RFPL4B: variants seen among roughly 807,000 people sequenced by gnomAD.
RFPL4B encodes ret finger protein-like 4B.
For synonymous variants in RFPL4B, 118 were observed against 126.3 expected (o/e 0.93, Z 0.44); for missense variants, 314 against 327.7 (o/e 0.96, Z 0.32).
Position 112,350,125 on chromosome 6 carries a change from C to T in RFPL4B, c.417C>T (p.Pro139=). The change falls in exon 3 of 3, where the codon CCC becomes CCT. Residue 139 remains proline, a synonymous_variant. Coordinates refer to ENST00000441065, the MANE Select transcript of RFPL4B (RefSeq NM_001013734.3). The part of the protein sequence containing the change: ...DPRLACVLGT[P]CFSSGQHYWE... ...GGCTGGCCTGTGTCCTGGGTACTCC[C>T]TGCTTCTCCTCCGGCCAACATTACT... 2.5e-6 allele frequency: 4 copies of T among 1,614,210 alleles called. No homozygotes were observed. The highest frequency in any genetic ancestry group is 3.4e-6 in the Non-Finnish European group (4 of 1,180,042).
At chr6:112,348,848 A>G (rs7772069) in intron 1 of RFPL4B, among the ~76,000 whole-genome samples, 1 of 152,086 alleles carries the variant, frequency 6.6e-6, no homozygotes, top group East Asian at 1.9e-4. Context: ...TTGGGGTAAC[A>G]GGAGGGCATC....
chr6:112,350,030 C>G lies in RFPL4B; in HGVS notation c.322C>G (p.Leu108Val). The G allele has an allele frequency of 1.2e-6, 2 of 1,614,192 alleles. No individual in the cohort carries two copies. Among genetic ancestry groups the G allele is most frequent in the Non-Finnish European group, 1.7e-6 (2 of 1,180,010 alleles). The change falls in exon 3 of 3, where the codon CTT becomes GTT. Residue 108 changes from leucine to valine, a missense_variant. Physicochemically the swap from Leu to Val is conservative, Grantham distance 32. Transcript: ENST00000441065. ...GGATGCAGCCACTGCCAGCTCCCTC[C>G]TTGTCTTCTCCAATGATCTAAGAAG... ...TLDAATASSL[L>V]VFSNDLRSAQ...
chr6:112,350,496 C>T lies in RFPL4B; in HGVS notation c.788C>T (p.Pro263Leu), dbSNP rs1789140386. Reference protein sequence around the residue: ...GESGNVLTICP With the variant: ...GESGNVLTICL ...AGTGGCAACGTCCTGACCATCTGCC[C>T]ATGAGAAAGTCAGCCCTTCCTAGAA... is the stretch of plus-strand genomic sequence containing the variant. Residue 263 changes from proline to leucine, a missense_variant, in exon 3 of 3, where the codon CCA becomes CTA. By Grantham distance (98) the Pro-to-Leu change is moderately conservative. Transcript: ENST00000441065. 6.4e-7 allele frequency: 1 copy of T among 1,571,154 alleles called. No individual in the cohort carries two copies. The highest frequency in any genetic ancestry group is 1.4e-5 in the African/African-American group (1 of 73,200).
In RFPL4B at chr6:112,349,970, G is replaced by A; in HGVS notation, c.262G>A (p.Glu88Lys). The change falls in exon 3 of 3, where the codon GAG becomes AAG. Residue 88 changes from glutamate to lysine, a missense_variant. Transcript: ENST00000441065. ...SRLEQSLHVR[E>K]ELRHFREDVT... Reference sequence around the variant, plus strand: ...ACTTGAGCAAAGTCTGCACGTGAGGGAGGAGCTCCGGCATTTTCGGGAGGA... The same window carrying A: ...ACTTGAGCAAAGTCTGCACGTGAGGAAGGAGCTCCGGCATTTTCGGGAGGA... 1 of 1,614,192 alleles carries A rather than the reference G, an allele frequency of 6.2e-7. No homozygotes were observed. Among genetic ancestry groups the A allele is most frequent in the Non-Finnish European group, 8.5e-7 (1 of 1,180,036 alleles).
rs998251630 is a variant in RFPL4B, at chr6:112,350,752, G to C, written c.*252G>C. ...GTAAGCTTCAGTTTTCTAGTCTGTA[G>C]ATGCGGATAATTGTATCTCAGTCAA... On this transcript the variant is annotated 3_prime_UTR_variant, in exon 3 of 3. Transcript: ENST00000441065. 1.5e-5 allele frequency: 6 copies of C among 400,210 alleles called. No homozygotes were observed. The highest frequency in any genetic ancestry group is 1.2e-4 in the African/African-American group (6 of 49,144). 24.8% of individuals were successfully genotyped at this position (400,210 alleles called of 1,614,324 possible).
At position 112,350,060 on chromosome 6, in the gene RFPL4B, C is replaced by T. The variant is rs146757268; in HGVS notation, c.352C>T (p.Gln118Ter). ...CTTCTCCAATGATCTAAGAAGCGCT[C>T]AGTGTAAGAAGATCCACCACGATCT... ...LVFSNDLRSAQCKKIHHDLTK... is the reference protein window; with the variant it reads ...LVFSNDLRSA The change falls in exon 3 of 3, where the codon CAG becomes TAG. Residue 118 changes from glutamine to a stop codon, truncating the protein, a stop_gained. Coordinates refer to ENST00000441065, the MANE Select transcript of RFPL4B (RefSeq NM_001013734.3). LOFTEE classifies it low-confidence loss of function (END_TRUNC). The T allele has an allele frequency of 1.2e-6, 2 of 1,614,192 alleles. No homozygotes were observed. Among genetic ancestry groups the T allele is most frequent in the Non-Finnish European group, 1.7e-6 (2 of 1,180,032 alleles).
In RFPL4B at chr6:112,350,309, A is replaced by G. The variant is rs1373435647; in HGVS notation, c.601A>G (p.Ser201Gly). The change falls in exon 3 of 3, where the codon AGC (serine) becomes GGC (glycine). Residue 201 changes from serine (S) to glycine (G), a missense_variant. Transcript: ENST00000441065. ...ANTHLERIPA[S>G]PRLRRVGIFL... ...CACCCACCTGGAGAGAATTCCTGCA[A>G]GCCCTCGCCTTCGCCGTGTGGGAAT... The G allele has an allele frequency of 6.2e-7, 1 of 1,614,266 alleles. No individual in the cohort carries two copies. Among genetic ancestry groups the G allele is most frequent in the Non-Finnish European group, 8.5e-7 (1 of 1,180,054 alleles).
In RFPL4B at chr6:112,349,611, A is replaced by T. The variant is rs1231367081; in HGVS notation, c.-98A>T. 6.6e-6 allele frequency: 5 copies of T among 757,428 alleles called. No homozygotes were observed. The highest frequency in any genetic ancestry group is 1.1e-5 in the Non-Finnish European group (5 of 456,446). 46.9% of individuals were successfully genotyped at this position (757,428 alleles called of 1,614,324 possible). A position where few individuals can be genotyped will look rare whatever the true frequency, so the allele number is the denominator to read the frequency against. ...ATTTAATCTTGGATTTAGACTATTG[A>T]AGAGTGGATTGTGTACTGAGGGCTC... On this transcript the variant is annotated 5_prime_UTR_variant, in exon 3 of 3. Coordinates refer to ENST00000441065, the MANE Select transcript of RFPL4B (RefSeq NM_001013734.3).
rs771492074 is a variant in RFPL4B, at chr6:112,349,903, A to AG, written c.196dup (p.Val66GlyfsTer13). 151 of 1,614,040 alleles carry AG rather than the reference A, an allele frequency of 9.4e-5. No individual in the cohort carries two copies. The highest frequency in any genetic ancestry group is 1.2e-4 in the Non-Finnish European group (147 of 1,180,026). On this transcript the variant is annotated frameshift_variant, in exon 3 of 3. Transcript: ENST00000441065. LOFTEE classifies it low-confidence loss of function (END_TRUNC). ...AGGTACCTGCTTTGGAAGAATGGCA[A>AG]GTGAGCGTCCTAACACTTATGACCA...
At position 112,350,123 on chromosome 6, in the gene RFPL4B, C is replaced by A. The variant is rs887251314; in HGVS notation, c.415C>A (p.Pro139Thr). Residue 139 changes from proline (P) to threonine (T), a missense_variant, in exon 3 of 3, where the codon CCC (proline) becomes ACC (threonine). Coordinates refer to ENST00000441065, the MANE Select transcript of RFPL4B (RefSeq NM_001013734.3). ...CAGGCTGGCCTGTGTCCTGGGTACT[C>A]CCTGCTTCTCCTCCGGCCAACATTA... The part of the protein sequence containing the change: ...DPRLACVLGT[P>T]CFSSGQHYWE... 6.2e-7 allele frequency: 1 copy of A among 1,614,068 alleles called. No homozygotes were observed. Among genetic ancestry groups the A allele is most frequent in the African/African-American group, 1.3e-5 (1 of 74,930 alleles).
In RFPL4B at chr6:112,350,149, C is replaced by T. The variant is rs923215530; in HGVS notation, c.441C>T (p.Tyr147=). 2 of 1,614,202 alleles carry T rather than the reference C, an allele frequency of 1.2e-6. No homozygotes were observed. Among genetic ancestry groups the T allele is most frequent in the African/African-American group, 1.3e-5 (1 of 75,058 alleles). The change falls in exon 3 of 3, where the codon TAC becomes TAT. Residue 147 remains tyrosine, a synonymous_variant. Coordinates refer to ENST00000441065, the MANE Select transcript of RFPL4B (RefSeq NM_001013734.3). ...CCTGCTTCTCCTCCGGCCAACATTA[C>T]TGGGAGGTTGAAGTGGGAGAGGTGA... The part of the protein sequence containing the change: ...GTPCFSSGQH[Y]WEVEVGEVKS...
In RFPL4B at chr6:112,349,950, A is replaced by T. The variant is rs1302213007; in HGVS notation, c.242A>T (p.Glu81Val). Reference protein sequence around the residue: ...LMTKQHNSRLEQSLHVREELR... With the variant: ...LMTKQHNSRLVQSLHVREELR... ...ACCAAGCAGCACAATAGCCGACTTG[A>T]GCAAAGTCTGCACGTGAGGGAGGAG... Residue 81 changes from glutamate to valine, a missense_variant, in exon 3 of 3, where the codon GAG becomes GTG. Transcript: ENST00000441065. 1 of 1,614,212 alleles carries T rather than the reference A, an allele frequency of 6.2e-7. No individual in the cohort carries two copies.
At position 112,350,567 on chromosome 6, in the gene RFPL4B, A is replaced by G. The variant is rs1789141604; in HGVS notation, c.*67A>G. The stretch of plus-strand genomic sequence containing the variant: ...GAATTTTGGCCTGAGAAAGGTCAGC[A>G]TGATTGAGGAAGAGATAATGTGCTA... On this transcript the variant is annotated 3_prime_UTR_variant, in exon 3 of 3. Transcript: ENST00000441065. 7.4e-6 allele frequency: 9 copies of G among 1,224,228 alleles called. No individual in the cohort carries two copies. The Admixed American group carries it at 1.6e-4, about 22-fold the overall frequency. The allele number at this position is 1,224,228 out of a possible 1,614,324, so 75.8% of individuals were successfully genotyped here. A position where few individuals can be genotyped will look rare whatever the true frequency, so the allele number is the denominator to read the frequency against.
intron 2 of RFPL4B, 79 bp from the exon 3 acceptor site, chr6:112,349,524 AT>A (rs1213257725): frequency 5.2e-6 from 1 of 193,856 alleles, no homozygotes; most frequent in Non-Finnish European, 1.0e-5. Flanking sequence ...TAAATTTATT[AT>A]TATTTATTAA....
In RFPL4B at chr6:112,349,989, G is replaced by A. The variant is rs747504146; in HGVS notation, c.281G>A (p.Arg94Gln). Residue 94 changes from arginine to glutamine, a missense_variant, in exon 3 of 3, where the codon CGG (arginine) becomes CAG (glutamine). Arg to Gln is a conservative substitution (Grantham distance 43, BLOSUM62 1). Transcript: ENST00000441065. ...GTGAGGGAGGAGCTCCGGCATTTTC[G>A]GGAGGATGTGACCCTGGATGCAGCC... is the stretch of plus-strand genomic sequence containing the variant. ...LHVREELRHF[R>Q]EDVTLDAATA... is the part of the protein sequence containing the mutation. 3 of 1,614,014 alleles carry A rather than the reference G, an allele frequency of 1.9e-6. No homozygotes were observed. Among genetic ancestry groups the A allele is most frequent in the South Asian group, 1.1e-5 (1 of 91,078 alleles).
rs1244736800 is a variant in RFPL4B, at chr6:112,351,173, T to C, written c.*673T>C. ...CATCTCAATAATTGGACTATTGTGA[T>C]TTATAAGAATTCTTATCAACCATGT... On this transcript the variant is annotated 3_prime_UTR_variant, in exon 3 of 3. Coordinates refer to ENST00000441065, the MANE Select transcript of RFPL4B (RefSeq NM_001013734.3). The C allele has an allele frequency of 1.2e-5, 2 of 167,108 alleles. No individual in the cohort carries two copies. Among genetic ancestry groups the C allele is most frequent in the Non-Finnish European group, 2.9e-5 (2 of 68,122 alleles). 10.4% of individuals were successfully genotyped at this position (167,108 alleles called of 1,614,324 possible). A position where few individuals can be genotyped will look rare whatever the true frequency, so the allele number is the denominator to read the frequency against.
rs770217543 is a variant in RFPL4B at position 112,350,002 on chromosome 6, C to A, written c.294C>A (p.Thr98=). The A allele has an allele frequency of 1.1e-5, 18 of 1,613,984 alleles. No homozygotes were observed. Among genetic ancestry groups the A allele is most frequent in the African/African-American group, 2.7e-5 (2 of 74,882 alleles). Residue 98 remains threonine, a synonymous_variant, in exon 3 of 3, where the codon ACC becomes ACA. Coordinates refer to ENST00000441065, the MANE Select transcript of RFPL4B (RefSeq NM_001013734.3). The part of the protein sequence containing the change: ...EELRHFREDV[T]LDAATASSLL... ...TCCGGCATTTTCGGGAGGATGTGACCCTGGATGCAGCCACTGCCAGCTCCC... is the reference window on the plus strand; with the variant it reads ...TCCGGCATTTTCGGGAGGATGTGACACTGGATGCAGCCACTGCCAGCTCCC...
Position 112,350,126 on chromosome 6 carries a change from T to A in RFPL4B, c.418T>A (p.Cys140Ser), listed in dbSNP as rs201909462. ...PRLACVLGTP[C>S]FSSGQHYWEV... ...GCTGGCCTGTGTCCTGGGTACTCCC[T>A]GCTTCTCCTCCGGCCAACATTACTG... is the stretch of plus-strand genomic sequence containing the variant. The change falls in exon 3 of 3, where the codon TGC becomes AGC. Residue 140 changes from cysteine to serine, a missense_variant. Cys to Ser is a moderately radical substitution (Grantham distance 112). Coordinates refer to ENST00000441065, the MANE Select transcript of RFPL4B (RefSeq NM_001013734.3). 1 of 1,614,102 alleles carries A rather than the reference T, an allele frequency of 6.2e-7. No homozygotes were observed. Among genetic ancestry groups the A allele is most frequent in the Non-Finnish European group, 8.5e-7 (1 of 1,180,042 alleles).
chr6:112,351,217 C>G lies in RFPL4B; in HGVS notation c.*717C>G, dbSNP rs922862647. The G allele has an allele frequency of 3.6e-5, 6 of 166,892 alleles. No homozygotes were observed. Among genetic ancestry groups the G allele is most frequent in the African/African-American group, 1.4e-4 (6 of 41,446 alleles). 10.3% of individuals were successfully genotyped at this position (166,892 alleles called of 1,614,324 possible). A position where few individuals can be genotyped will look rare whatever the true frequency, so the allele number is the denominator to read the frequency against. ...ACCATGTTAACTAACACATATTCAT[C>G]AAAAATTGTTTTCAAGGTTGCTTTT... On this transcript the variant is annotated 3_prime_UTR_variant, in exon 3 of 3. Transcript: ENST00000441065.
Sources: allele counts gnomAD v4.1 joint callset (sites outside exome capture counted in the v4.1 genomes callset), GRCh38; gene constraint gnomAD v4.1.1; transcripts MANE v1.5; gene names NCBI Gene and HGNC (gene_info 2026-07-23, HGNC 2026-07-21).